Variants in INSR observed in about 807,000 individuals in gnomAD.
INSR encodes IR.
Under a neutral mutation model 142.6 loss-of-function variants are expected in INSR, and 67 were observed. The observed-to-expected ratio is 0.47, with a 90% CI of 0.39 to 0.58. The LOEUF (loss-of-function observed/expected upper bound fraction) is 0.58, where lower values mean the gene tolerates loss of function less well. Ranked by LOEUF, INSR falls within the 20% of genes least tolerant of loss-of-function variation. INSR has a pLI of 0.00. For missense variants in INSR, 1,248 were observed against 1,833.2 expected (o/e 0.68, Z 5.83); for synonymous variants, 756 against 743.1 (o/e 1.02, Z -0.28).
intron 9 of INSR, among the ~76,000 whole-genome samples, chr19:7,160,178 G>C (rs1038028497): frequency 8.6e-5 from 13 of 151,806 alleles, no homozygotes; most frequent in African/African-American, 2.7e-4. Context: ...TTCTTAGATG[G>C]AGTTTTGCTT....
At chr19:7,187,478 T>C (rs1057012278) in intron 2 of INSR, among the ~76,000 whole-genome samples, 3 of 152,244 alleles carry the variant, frequency 2.0e-5, no homozygotes, top group Non-Finnish European at 4.4e-5. Context: ...TAATTTCAGT[T>C]TAAAATTTTT....
intron 8 of INSR, among the ~76,000 whole-genome samples, chr19:7,163,640 G>A (rs1405275608): frequency 1.3e-5 from 2 of 151,848 alleles, no homozygotes; most frequent in Admixed American, 6.6e-5. Context: ...AGTAACGGAG[G>A]TGGCCGAGGG....
intron 2 of INSR, among the ~76,000 whole-genome samples, chr19:7,191,309 G>A (rs111894910): frequency 1.9e-4 from 27 of 139,870 alleles, no homozygotes; most frequent in East Asian, 4.4e-4. Flanking sequence ...AAAGAAAAGA[G>A]AAAGAAAGAA....
intron 11 of INSR, among the ~76,000 whole-genome samples, chr19:7,144,829 C>T (rs1973151971): frequency 6.6e-6 from 1 of 151,768 alleles, no homozygotes; most frequent in African/African-American, 2.4e-5. Flanking sequence ...ACTCTTTAAG[C>T]TTCTTAATAC....
Position 7,172,208 on chromosome 19 carries a change from G to A in INSR, c.1268+82C>T. ...ATTACAGGCATCAGCCACCACACCT[G>A]GCCAAAAAAATCCTTAAGTTGTTCT... On this transcript the variant is annotated intron_variant, in intron 5 of 21. Transcript: ENST00000302850. 5 of 1,528,788 alleles carry A rather than the reference G, an allele frequency of 3.3e-6. No homozygotes were observed. In the South Asian group the frequency reaches 3.4e-5, roughly 10 times the overall value. 94.7% of individuals were successfully genotyped at this position (1,528,788 alleles called of 1,614,324 possible). A position where few individuals can be genotyped will look rare whatever the true frequency, so the allele number is the denominator to read the frequency against.
At chr19:7,270,316 T>G (rs1004390833) in intron 1 of INSR, among the ~76,000 whole-genome samples, 1 of 128,270 alleles carries the variant, frequency 7.8e-6, no homozygotes, top group East Asian at 2.6e-4. Flanking sequence ...TATATTTCAT[T>G]TCTCTCTCTC....
chr19:7,212,531 C>T (rs1975306809), intron 2 of INSR, among the ~76,000 whole-genome samples: 1 of 152,204 alleles, frequency 6.6e-6, no homozygotes, highest in African/African-American at 2.4e-5. Context: ...CCTCATGGTG[C>T]TTCCAGTCTA....
rs1406453491 is a variant in INSR at position 7,185,858 on chromosome 19, AAG to A, written c.653-1223_653-1222del. Among the ~76,000 whole-genome samples the A allele has an allele frequency of 2.5e-3, 330 of 133,820 alleles. 5 individuals carry two copies. The highest frequency in any genetic ancestry group is 0.019 in the Middle Eastern group (5 of 264). The allele number at this position is 133,820 out of a possible 152,430, so 87.8% of individuals were successfully genotyped here. A position where few individuals can be genotyped will look rare whatever the true frequency, so the allele number is the denominator to read the frequency against. ...AATTCTGTCAAAAAAAAAAAAAAAA[AAG>A]AGAGAGAGAGACAAAGAGAGAGAGA... On this transcript the variant is annotated intron_variant, in intron 2 of 21. Coordinates refer to ENST00000302850, the MANE Select transcript of INSR (RefSeq NM_000208.4).
rs121913136 is a variant in INSR, at chr19:7,170,561, T to C, written c.1459A>G (p.Lys487Glu). The change falls in exon 6 of 22, where the codon AAG becomes GAG. Residue 487 changes from lysine (K) to glutamate (E), a missense_variant. Physicochemically the swap from Lys to Glu is moderately conservative, Grantham distance 56. Coordinates refer to ENST00000302850, the MANE Select transcript of INSR (RefSeq NM_000208.4). ...CAGGATGCCTGGTCCCCATTGGTCT[T>C]CAGGGCAATGTCGTTTCTCTCCTGG... ...GRQERNDIAL[K>E]TNGDQASCEN... 1.2e-6 allele frequency: 2 copies of C among 1,612,984 alleles called. No homozygotes were observed. The highest frequency in any genetic ancestry group is 1.7e-6 in the Non-Finnish European group (2 of 1,179,840).
At chr19:7,269,039 C>G (rs1256016930) in intron 1 of INSR, among the ~76,000 whole-genome samples, 1 of 31,894 alleles carries the variant, frequency 3.1e-5, no homozygotes, top group Non-Finnish European at 5.6e-5. Flanking sequence ...CCCACACACC[C>G]ACACACACAC....
chr19:7,233,030 G>A (rs952557895), intron 2 of INSR, among the ~76,000 whole-genome samples: 180 of 152,208 alleles, frequency 1.2e-3, no homozygotes, highest in Non-Finnish European at 2.6e-4. Context: ...CTGTCACCCA[G>A]GCTAAAGTGC....
chr19:7,132,439 C>T, intron 13 of INSR, 122 bp from the exon 14 acceptor site: 1 of 1,049,040 alleles, frequency 9.5e-7, no homozygotes, highest in East Asian at 2.6e-5. Context: ...CAGCAAAGCA[C>T]AGACTAAGAC....
At chr19:7,258,299 C>T (rs959560201) in intron 2 of INSR, among the ~76,000 whole-genome samples, 4 of 152,076 alleles carry the variant, frequency 2.6e-5, no homozygotes, top group African/African-American at 7.2e-5. Context: ...ATTAGCTGGG[C>T]GTGGTGGTGC....
At chr19:7,287,031 G>A (rs1600134100) in intron 1 of INSR, among the ~76,000 whole-genome samples, 1 of 151,498 alleles carries the variant, frequency 6.6e-6, no homozygotes, top group African/African-American at 2.4e-5. Flanking sequence ...TTTATTGTTA[G>A]TGGAGACAGG....
At chr19:7,213,654 C>T (rs2145080449) in intron 2 of INSR, among the ~76,000 whole-genome samples, 1 of 152,308 alleles carries the variant, frequency 6.6e-6, no homozygotes, top group South Asian at 2.1e-4. Flanking sequence ...TCACGTCCAG[C>T]AGAGAAAGAC....
chr19:7,169,581 A>C (rs964564030), intron 6 of INSR, among the ~76,000 whole-genome samples: 4 of 95,230 alleles, frequency 4.2e-5, no homozygotes, highest in African/African-American at 9.9e-5. Context: ...TGTCCCAAAA[A>C]AAAAAAAAAA....
chr19:7,290,842 C>T (rs8100653), intron 1 of INSR, among the ~76,000 whole-genome samples: 57,173 of 150,700 alleles, frequency 0.38, 11,668 homozygotes, highest in African/African-American at 0.54. Flanking sequence ...GAGGCCGAGG[C>T]GGGTGGATCA....
chr19:7,142,794 G>T, intron 12 of INSR, 22 bp downstream of exon 12: 1 of 1,613,234 alleles, frequency 6.2e-7, no homozygotes, highest in South Asian at 1.1e-5. Flanking sequence ...ATGACACTCG[G>T]ACCCCGGAGC....
rs1568476194 is a variant in INSR at position 7,192,140 on chromosome 19, A to C, written c.653-7503T>G. 6.7e-6 allele frequency among the ~76,000 whole-genome samples: 1 copy of C among 148,214 alleles called. No individual in the cohort carries two copies. Among genetic ancestry groups the C allele is most frequent in the Admixed American group, 6.8e-5 (1 of 14,752 alleles). ...AGAAAGAGGGAGAAAGAAGAAAGAT[A>C]AGAGAGAGAGAAAGAGAAAGAAAAA... On this transcript the variant is annotated intron_variant, in intron 2 of 21. Coordinates refer to ENST00000302850, the MANE Select transcript of INSR (RefSeq NM_000208.4). The surrounding 1 kb of genome is among the most constrained non-coding windows in gnomAD (Gnocchi z 4.2).
Sources: allele counts gnomAD v4.1 joint callset (sites outside exome capture counted in the v4.1 genomes callset), GRCh38; gene constraint gnomAD v4.1.1; non-coding constraint Gnocchi (gnomAD v3.1); transcripts MANE v1.5; gene names NCBI Gene and HGNC (gene_info 2026-07-23, HGNC 2026-07-21).